The following OSBPL2 variants were observed in gnomAD, a reference collection of about 807,000 sequenced individuals.
OSBPL2 encodes the protein oxysterol binding protein like 2, also known as oxysterol-binding protein-related protein 2.
A neutral mutation model predicts 58.4 loss-of-function variants in OSBPL2; 18 were observed. The observed-to-expected ratio is 0.31, with a 90% confidence interval of 0.21 to 0.46. OSBPL2 has a LOEUF of 0.46. OSBPL2 is among the 20% of genes least tolerant of loss of function. OSBPL2 has a pLI of 1.00. For synonymous variants in OSBPL2, 221 were observed against 234.1 expected (o/e 0.94, Z 0.51); for missense variants, 461 against 616.5 (o/e 0.75, Z 2.67).
intron 5 of OSBPL2, among the ~76,000 whole-genome samples, chr20:62,272,535 C>T (rs1982129467): frequency 6.6e-6 from 1 of 152,198 alleles, no homozygotes; most frequent in African/African-American, 2.4e-5. Context: ...CTGAAGGTGG[C>T]GGTGGGCTCT....
chr20:62,270,347 C>T (rs1261570077), intron 4 of OSBPL2, among the ~76,000 whole-genome samples: 1 of 126,574 alleles, frequency 7.9e-6, no homozygotes, highest in Non-Finnish European at 1.7e-5. Context: ...CTTGTCCCTC[C>T]TGGCCTCTCT....
Position 62,289,211 on chromosome 20 carries a change from A to G in OSBPL2, c.1130A>G (p.Tyr377Cys). 1 of 1,613,726 alleles carries G rather than the reference A, an allele frequency of 6.2e-7. No homozygotes were observed. Among genetic ancestry groups the G allele is most frequent in the African/African-American group, 1.3e-5 (1 of 75,036 alleles). The change falls in exon 12 of 14, where the codon TAT becomes TGT. Residue 377 changes from tyrosine (Y) to cysteine (C), a missense_variant. Around this residue, in one of 5 missense-constraint regions of OSBPL2, gnomAD observed 319 missense variants for 419.2 expected, o/e 0.76. Transcript: ENST00000313733. ...TCTCTGTGCCTTGCTCCACAGATGT[A>G]TAATTTCACCAGTTTCACTGTGAGC... ...NTRPPNSAQM[Y>C]NFTSFTVSLN...
At chr20:62,261,319 A>C (rs75622110) in intron 3 of OSBPL2, among the ~76,000 whole-genome samples, 3 of 149,642 alleles carry the variant, frequency 2.0e-5, no homozygotes, top group African/African-American at 7.3e-5. Context: ...CCATCTCCAA[A>C]AAAAAAAAAA....
chr20:62,240,386 C>A (rs972395111), intron 1 of OSBPL2, among the ~76,000 whole-genome samples: 1 of 152,190 alleles, frequency 6.6e-6, no homozygotes, highest in African/African-American at 2.4e-5. Flanking sequence ...ACAGCTCTTA[C>A]CCCAGCAGAC....
chr20:62,267,574 C>T (rs914700700), intron 4 of OSBPL2, among the ~76,000 whole-genome samples: 1 of 152,170 alleles, frequency 6.6e-6, no homozygotes, highest in Non-Finnish European at 1.5e-5. Context: ...GAGGTCTGTT[C>T]CTACAGCTAG....
At chr20:62,262,876 G>A (rs903503693) in intron 3 of OSBPL2, among the ~76,000 whole-genome samples, 2 of 152,120 alleles carry the variant, frequency 1.3e-5, no homozygotes, top group African/African-American at 4.8e-5. Context: ...AGGGAGCCCC[G>A]GGCCCCTACT....
chr20:62,276,070 C>T (rs1173456097), intron 6 of OSBPL2, among the ~76,000 whole-genome samples: 1 of 152,108 alleles, frequency 6.6e-6, no homozygotes, highest in Non-Finnish European at 1.5e-5. Context: ...GTGCACGCCA[C>T]CAGGCCCGGC....
intron 7 of OSBPL2, 93 bp from the exon 8 acceptor site, chr20:62,280,956 GCCGGTTGCT>G: frequency 1.2e-6 from 1 of 814,736 alleles, no homozygotes. Flanking sequence ...TCCCGCGGGT[GCCGGTTGCT>G]GTGACCCAGC....
chr20:62,267,877 A>G (rs6062177), intron 4 of OSBPL2, among the ~76,000 whole-genome samples: 130,598 of 151,708 alleles, frequency 0.86, 56,815 homozygotes, highest in East Asian at 0.99. Flanking sequence ...AAATGTCTGC[A>G]TTATTTTTTA....
rs768231219 is a variant in OSBPL2, at chr20:62,293,766, C to G, written c.1341-19C>G. Reference sequence around the variant, plus strand: ...TTTGGGCTGAGCATCTTCTGACCCCCCTCCCTTGTATCCGGCAGGTGGTTC... The same window carrying G: ...TTTGGGCTGAGCATCTTCTGACCCCGCTCCCTTGTATCCGGCAGGTGGTTC... On this transcript the variant is annotated intron_variant, in intron 13 of 13. Coordinates refer to ENST00000313733, the MANE Select transcript of OSBPL2 (RefSeq NM_144498.4). 8 of 1,611,220 alleles carry G rather than the reference C, an allele frequency of 5.0e-6. No homozygotes were observed. The highest frequency in any genetic ancestry group is 1.7e-4 in the Middle Eastern group (1 of 6,050).
chr20:62,252,937 A>G (rs1463009425), intron 1 of OSBPL2, among the ~76,000 whole-genome samples: 1 of 151,922 alleles, frequency 6.6e-6, no homozygotes, highest in Non-Finnish European at 1.5e-5. Context: ...TGGCTCAAAC[A>G]CCTCCCATCA....
At chr20:62,277,204 C>T (rs1171493705) in intron 6 of OSBPL2, among the ~76,000 whole-genome samples, 1 of 152,166 alleles carries the variant, frequency 6.6e-6, no homozygotes, top group Non-Finnish European at 1.5e-5. Context: ...GAGCCGAGAT[C>T]ACGCCACTGC....
At position 62,272,137 on chromosome 20, in the gene OSBPL2, A is replaced by T. The variant is rs1011230331; in HGVS notation, c.271A>T (p.Ile91Phe). Residue 91 changes from isoleucine to phenylalanine, a missense_variant, in exon 5 of 14, where the codon ATC (isoleucine) becomes TTC (phenylalanine). This residue lies in a region of OSBPL2 where 38 missense variants were observed against 74.2 expected (regional missense o/e 0.51). Transcript: ENST00000313733. ...KKCVGLELSKITMPIAFNEPL... is the reference protein window; with the variant it reads ...KKCVGLELSKFTMPIAFNEPL... ...CCCATCTTTCCAGGAGCTGTCCAAGATCACGATGCCAATCGCCTTCAACGA... is the reference window on the plus strand; with the variant it reads ...CCCATCTTTCCAGGAGCTGTCCAAGTTCACGATGCCAATCGCCTTCAACGA... The T allele has an allele frequency of 6.2e-7, 1 of 1,613,684 alleles. No individual in the cohort carries two copies. Among genetic ancestry groups the T allele is most frequent in the Non-Finnish European group, 8.5e-7 (1 of 1,179,950 alleles).
chr20:62,290,721 GGTTTTTTTTTTTGTTTTTTTT>G (rs1212814560), intron 12 of OSBPL2, among the ~76,000 whole-genome samples: 10 of 149,514 alleles, frequency 6.7e-5, no homozygotes, highest in Non-Finnish European at 1.0e-4. Flanking sequence ...TGCCTGGCCA[GGTTTTTTTTTTTGTTTTTTTT>G]GTTTTTTTTT....
chr20:62,289,079 G>T, intron 11 of OSBPL2, 128 bp from the exon 12 acceptor site: 3 of 972,270 alleles, frequency 3.1e-6, no homozygotes, highest in South Asian at 3.3e-5. Flanking sequence ...AGACGTGAGC[G>T]GAAGTAGGTT....
intron 6 of OSBPL2, chr20:62,278,509 TGTGTGTGTTGCC>T (rs1982546948): frequency 7.9e-6 from 1 of 127,098 alleles, no homozygotes; most frequent in African/African-American, 3.6e-5. Flanking sequence ...GTCATGTTTA[TGTGTGTGTTGCC>T]AACGTTAGGC....
intron 6 of OSBPL2, 102 bp downstream of exon 6, chr20:62,273,508 A>C: frequency 2.1e-6 from 2 of 944,782 alleles, no homozygotes; most frequent in Non-Finnish European, 3.3e-6. Context: ...TGCTCTGAGA[A>C]TAAACTGTTT....
Position 62,284,156 on chromosome 20 carries a change from G to T in OSBPL2, c.983G>T (p.Arg328Ile), listed in dbSNP as rs372783850. Residue 328 changes from arginine to isoleucine, a missense_variant, in exon 10 of 14, where the codon AGA becomes ATA. By Grantham distance (97) the Arg-to-Ile change is moderately conservative. This residue lies in a region of OSBPL2 where 319 missense variants were observed against 419.2 expected (regional missense o/e 0.76). Transcript: ENST00000313733. ...CAGGAGAGGAGAGGTGACCACCTGA[G>T]AAAGGCCAAGCTGGTAAGGGCTGGG... ...KKQERRGDHL[R>I]KAKLDEDSGK... is the part of the protein sequence containing the mutation. 6 of 1,614,046 alleles carry T rather than the reference G, an allele frequency of 3.7e-6. No individual in the cohort carries two copies.
chr20:62,273,257 A>C, intron 5 of OSBPL2, 52 bp from the exon 6 acceptor site: 1 of 1,421,350 alleles, frequency 7.0e-7, no homozygotes, highest in South Asian at 1.2e-5. Context: ...CATCTTCTCC[A>C]GCGCGTTTCC....
Sources: allele counts gnomAD v4.1 joint callset (sites outside exome capture counted in the v4.1 genomes callset), GRCh38; gene constraint gnomAD v4.1.1; regional missense constraint gnomAD v4.1.1; transcripts MANE v1.5; gene names NCBI Gene and HGNC (gene_info 2026-07-23, HGNC 2026-07-21).